MARF1: variants seen among roughly 807,000 people sequenced by gnomAD.
MARF1 encodes limkain-b1.
MARF1 carries 24 observed loss-of-function variants against 168.2 expected under a neutral mutation model. The ratio of observed to expected loss-of-function variants is 0.14; its 90% CI spans 0.10 to 0.20. The LOEUF (loss-of-function observed/expected upper bound fraction) is 0.20. MARF1 is among the 10% of genes least tolerant of loss of function. MARF1 has a pLI of 1.00. For synonymous variants in MARF1, 868 were observed against 822.4 expected (o/e 1.06, Z -0.95); for missense variants, 1,744 against 2,143.6 (o/e 0.81, Z 3.68).
chr16:15,633,091 CTAATT>C (rs2035352676), intron 5 of MARF1, among the ~76,000 whole-genome samples: 1 of 150,534 alleles, frequency 6.6e-6, no homozygotes, highest in African/African-American at 2.4e-5. Context: ...TGATCTTTTG[CTAATT>C]TATTTTATTT....
At chr16:15,642,537 A>G (rs2151357682) in intron 1 of MARF1, 1 of 152,352 alleles carries the variant, frequency 6.6e-6, no homozygotes, top group Non-Finnish European at 1.5e-5. Flanking sequence ...GAAACTCTAA[A>G]AGGTGTATCA....
At chr16:15,608,116 T>G (rs1444569050) in intron 21 of MARF1, among the ~76,000 whole-genome samples, 175 bp downstream of exon 21, 2 of 152,154 alleles carry the variant, frequency 1.3e-5, no homozygotes, top group Admixed American at 6.5e-5. Context: ...AACCAAGGCT[T>G]CTATTACCTA....
At chr16:15,612,217 T>C (rs144799176) in intron 17 of MARF1, among the ~76,000 whole-genome samples, 19 of 152,306 alleles carry the variant, frequency 1.2e-4, no homozygotes, top group African/African-American at 4.3e-4. Context: ...GACTCTCACA[T>C]AGGCACCAAC....
At chr16:15,601,160 G>A (rs1567528066) in intron 23 of MARF1, 1 of 449,286 alleles carries the variant, frequency 2.2e-6, no homozygotes, top group South Asian at 1.6e-5. Flanking sequence ...CAAGCAGAGT[G>A]GTAGTAGTGG....
At chr16:15,621,535 C>T in intron 12 of MARF1, 198 bp downstream of exon 12, 1 of 575,396 alleles carries the variant, frequency 1.7e-6, no homozygotes, top group Non-Finnish European at 3.0e-6. Flanking sequence ...CAAGTTTAAG[C>T]TGTATTCCAG....
intron 10 of MARF1, among the ~76,000 whole-genome samples, chr16:15,623,388 T>C (rs908577416): frequency 1.4e-4 from 20 of 147,858 alleles, no homozygotes; most frequent in African/African-American, 4.7e-4. Context: ...CAAGCAATTC[T>C]CCTGTCTCAG....
At position 15,625,448 on chromosome 16, in the gene MARF1, G is replaced by C; in HGVS notation, c.1877C>G (p.Ala626Gly). The C allele has an allele frequency of 2.5e-6, 4 of 1,614,114 alleles. No homozygotes were observed. The highest frequency in any genetic ancestry group is 3.4e-6 in the Non-Finnish European group (4 of 1,180,022). ...TGACCCTTTTCCAGGCGTGGCTTTG[G>C]CACTGGAAGATTGTTCACTTGCATC... is the stretch of plus-strand genomic sequence containing the variant. ...IKDASEQSSS[A>G]KATPGKGSQA... The change falls in exon 8 of 27, where the codon GCC (alanine) becomes GGC (glycine). Residue 626 changes from alanine (A) to glycine (G), a missense_variant. Around this residue, in one of 7 missense-constraint regions of MARF1, gnomAD observed 270 missense variants for 260.6 expected, o/e 1.04. Coordinates refer to ENST00000396368, the MANE Select transcript of MARF1 (RefSeq NM_014647.4).
Position 15,604,276 on chromosome 16 carries a change from C to T in MARF1, c.4305G>A (p.Glu1435=). The T allele has an allele frequency of 6.2e-7, 1 of 1,614,094 alleles. No individual in the cohort carries two copies. The highest frequency in any genetic ancestry group is 1.1e-5 in the South Asian group (1 of 91,082). ...SWEGTTHLSV[E]ELKRHYESTH... ...TACTTTCGTAATGTCTCTTGAGCTCCTCAACAGAAAGATGGGTGGTTCCTT... is the reference window on the plus strand; with the variant it reads ...TACTTTCGTAATGTCTCTTGAGCTCTTCAACAGAAAGATGGGTGGTTCCTT... Residue 1435 remains glutamate, a synonymous_variant, in exon 22 of 27, where the codon GAG becomes GAA. Transcript: ENST00000396368.
chr16:15,637,893 C>T (rs775323737), intron 2 of MARF1, among the ~76,000 whole-genome samples: 3 of 152,206 alleles, frequency 2.0e-5, no homozygotes, highest in Admixed American at 6.5e-5. Flanking sequence ...CCCGGCCAGG[C>T]GCGGTGGCTC....
At chr16:15,601,453 C>T (rs989336177) in intron 23 of MARF1, 10 of 227,582 alleles carry the variant, frequency 4.4e-5, no homozygotes, top group African/African-American at 9.0e-5. Flanking sequence ...AGTCCTCCCT[C>T]CTTACCTGGA....
In MARF1 at chr16:15,617,111, T is replaced by C. The variant is rs1315860046; in HGVS notation, c.3018A>G (p.Thr1006=). The C allele has an allele frequency of 6.2e-7, 1 of 1,614,158 alleles. No homozygotes were observed. The highest frequency in any genetic ancestry group is 1.1e-5 in the South Asian group (1 of 91,088). The change falls in exon 15 of 27, where the codon ACA becomes ACG. Residue 1006 remains threonine, a synonymous_variant. Coordinates refer to ENST00000396368, the MANE Select transcript of MARF1 (RefSeq NM_014647.4). The part of the protein sequence containing the change: ...KIPFVILSLK[T]FAPQVHSLLQ... ...GAAGACTGTGAACCTGGGGCGCAAA[T>C]GTCTTCAAAGAAAGAATCACAAAAG...
At chr16:15,614,331 A>G (rs897691161) in intron 16 of MARF1, among the ~76,000 whole-genome samples, 14 of 150,220 alleles carry the variant, frequency 9.3e-5, no homozygotes, top group African/African-American at 3.2e-4. Flanking sequence ...AAATACAAAA[A>G]AAATAGCCGG....
chr16:15,631,321 T>C lies in MARF1; in HGVS notation c.1351+60A>G, dbSNP rs1324246627. 5 of 1,155,818 alleles carry C rather than the reference T, an allele frequency of 4.3e-6. No individual in the cohort carries two copies. The African/African-American group carries it at 7.6e-5, about 18-fold the overall frequency. 71.6% of individuals were successfully genotyped at this position (1,155,818 alleles called of 1,614,324 possible). A position where few individuals can be genotyped will look rare whatever the true frequency, so the allele number is the denominator to read the frequency against. ...ATTTTACTTTCACATGTTGCTGGCT[T>C]CTATGATAATTTCCCACACAGTGAG... On this transcript the variant is annotated intron_variant, in intron 6 of 26. Coordinates refer to ENST00000396368, the MANE Select transcript of MARF1 (RefSeq NM_014647.4).
intron 7 of MARF1, among the ~76,000 whole-genome samples, chr16:15,629,290 T>C (rs1282405100): frequency 2.0e-5 from 3 of 152,182 alleles, no homozygotes; most frequent in African/African-American, 4.8e-5. Context: ...GGCCTGTATA[T>C]GCTTACTCCC....
At chr16:15,601,881 C>G in intron 23 of MARF1, 110 bp downstream of exon 23, 2 of 886,928 alleles carry the variant, frequency 2.3e-6, no homozygotes, top group Non-Finnish European at 3.7e-6. Flanking sequence ...AGGATCAATT[C>G]AAAATGCCTG....
rs370255610 is a variant in MARF1 at position 15,625,253 on chromosome 16, T to G, written c.1954-80A>C. 8.3e-6 allele frequency: 13 copies of G among 1,566,188 alleles called. No homozygotes were observed. In the East Asian group the frequency reaches 9.0e-5, roughly 11 times the overall value. On this transcript the variant is annotated intron_variant, in intron 8 of 26. Coordinates refer to ENST00000396368, the MANE Select transcript of MARF1 (RefSeq NM_014647.4). ...GATCCTTTACAGAAAACGATTGACT[T>G]TGAGTATCATCAAACACTGAAATCA...
At chr16:15,633,204 C>CACACACACAT (rs1212935562) in intron 5 of MARF1, among the ~76,000 whole-genome samples, 7 of 150,294 alleles carry the variant, frequency 4.7e-5, no homozygotes, top group African/African-American at 1.7e-4. Flanking sequence ...CACACACACA[C>CACACACACAT]ACGTACAGCA....
chr16:15,600,582 G>T, intron 24 of MARF1, 29 bp from the exon 25 acceptor site: 3 of 1,614,216 alleles, frequency 1.9e-6, no homozygotes, highest in Non-Finnish European at 2.5e-6. Context: ...CCGTCAGAGA[G>T]AAATGTCAGT....
chr16:15,618,111 G>A (rs1478774630), intron 13 of MARF1, among the ~76,000 whole-genome samples: 4 of 152,136 alleles, frequency 2.6e-5, no homozygotes, highest in African/African-American at 4.8e-5. Flanking sequence ...ACGACCAATC[G>A]GGGCCTCACT....
Sources: gnomAD v4.1 joint callset for allele counts (sites outside exome capture counted in the v4.1 genomes callset) on GRCh38, gnomAD v4.1.1 for gene constraint, gnomAD v4.1.1 regional missense constraint, MANE v1.5 for transcripts, NCBI Gene and HGNC (gene_info 2026-07-23, HGNC 2026-07-21) for gene names.